The following PTPRG variants were observed in gnomAD, a reference collection of about 807,000 sequenced individuals.
The protein encoded by PTPRG is receptor-type tyrosine-protein phosphatase gamma.
A neutral mutation model predicts 165.3 loss-of-function variants in PTPRG; 102 were observed. The ratio of observed to expected loss-of-function variants is 0.62; its 90% CI spans 0.53 to 0.73. The LOEUF (loss-of-function observed/expected upper bound fraction) is 0.73. Among genes scored for constraint, PTPRG ranks in the 30% least tolerant of loss-of-function variants. The pLI, the probability that PTPRG is intolerant of heterozygous loss-of-function variation, is 0.00. For missense variants in PTPRG, 1,866 were observed against 1,861.4 expected (o/e 1.00, Z -0.05); for synonymous variants, 675 against 669.5 (o/e 1.01, Z -0.13).
At chr3:61,790,176 C>T (rs1023326249) in intron 2 of PTPRG, among the ~76,000 whole-genome samples, 2 of 152,170 alleles carry the variant, frequency 1.3e-5, no homozygotes. Context: ...CTCTCCATTT[C>T]ACACTTGTAC....
chr3:61,758,511 G>A (rs1018064212), intron 2 of PTPRG, among the ~76,000 whole-genome samples: 6 of 152,158 alleles, frequency 3.9e-5, no homozygotes, highest in Non-Finnish European at 7.4e-5. Flanking sequence ...GAGTGAAGTG[G>A]CACAATCTTA....
chr3:61,689,762 C>G (rs2106649475), intron 1 of PTPRG, among the ~76,000 whole-genome samples: 1 of 152,250 alleles, frequency 6.6e-6, no homozygotes, highest in Middle Eastern at 3.4e-3. Context: ...GGGGGAGAAA[C>G]TAGTATGCAA....
rs1446750108 is a variant in PTPRG, at chr3:62,254,799, C to T, written c.2468-325C>T. On this transcript the variant is annotated intron_variant, in intron 15 of 29. Transcript: ENST00000474889. The surrounding 1 kb of genome is among the most constrained non-coding windows in gnomAD (Gnocchi z 4.6). Reference sequence around the variant, plus strand: ...TAAAATTTCTTGGCAAATGGGTACCCTTGATAAATTCACACTTTTAGTTAA... The same window carrying T: ...TAAAATTTCTTGGCAAATGGGTACCTTTGATAAATTCACACTTTTAGTTAA... Among the ~76,000 whole-genome samples, 1 of 151,868 alleles carries T rather than the reference C, an allele frequency of 6.6e-6. No homozygotes were observed. Among genetic ancestry groups the T allele is most frequent in the African/African-American group, 2.4e-5 (1 of 41,340 alleles).
chr3:61,887,736 T>G (rs745788581), intron 2 of PTPRG, among the ~76,000 whole-genome samples: 12 of 150,014 alleles, frequency 8.0e-5, no homozygotes, highest in Non-Finnish European at 1.6e-4. Flanking sequence ...AAAAAAAGGC[T>G]GATGGTTAAA....
chr3:61,838,463 T>C (rs1335456317), intron 2 of PTPRG, among the ~76,000 whole-genome samples: 1 of 152,190 alleles, frequency 6.6e-6, no homozygotes, highest in Non-Finnish European at 1.5e-5. Context: ...AAGTTTTTCA[T>C]GTGTGTGAAT....
chr3:61,668,210 T>C (rs7642105), intron 1 of PTPRG, among the ~76,000 whole-genome samples: 52,919 of 152,146 alleles, frequency 0.35, 10,716 homozygotes, highest in Non-Finnish European at 0.45. Context: ...CCATATACTT[T>C]CAAATAAGAT....
chr3:62,096,830 G>C (rs1341119039), intron 5 of PTPRG, among the ~76,000 whole-genome samples: 3 of 152,158 alleles, frequency 2.0e-5, no homozygotes, highest in Admixed American at 2.0e-4. Flanking sequence ...GAACAAATTA[G>C]GTGGATGGTT....
At chr3:62,282,443 G>C (rs1702485853) in intron 27 of PTPRG, among the ~76,000 whole-genome samples, 1 of 149,690 alleles carries the variant, frequency 6.7e-6, no homozygotes, top group African/African-American at 2.5e-5. Flanking sequence ...TTGCCCAGGT[G>C]GGTCTTGAAC....
intron 1 of PTPRG, among the ~76,000 whole-genome samples, chr3:61,564,204 T>A (rs1209895760): frequency 6.6e-6 from 1 of 152,218 alleles, no homozygotes; most frequent in Non-Finnish European, 1.5e-5. Context: ...TAGTCTCCCC[T>A]GCTTTACCAC....
chr3:61,820,922 CTG>C (rs1437006473), intron 2 of PTPRG, among the ~76,000 whole-genome samples: 1 of 152,012 alleles, frequency 6.6e-6, no homozygotes, highest in Non-Finnish European at 1.5e-5. Flanking sequence ...TTTTGATTCA[CTG>C]TGAACATTTA....
At chr3:61,787,700 G>A (rs11130852) in intron 2 of PTPRG, among the ~76,000 whole-genome samples, 28,913 of 152,086 alleles carry the variant, frequency 0.19, 3,918 homozygotes, top group East Asian at 0.5. Context: ...TTATATCACA[G>A]TGGTTCCTGT....
intron 4 of PTPRG, among the ~76,000 whole-genome samples, chr3:62,043,124 G>A (rs1700180640): frequency 6.6e-6 from 1 of 152,148 alleles, no homozygotes; most frequent in South Asian, 2.1e-4. Context: ...GAAGGCATGA[G>A]AAAGGCAAAA....
intron 1 of PTPRG, among the ~76,000 whole-genome samples, chr3:61,689,681 C>A (rs1236092127): frequency 1.3e-5 from 2 of 152,040 alleles, no homozygotes; most frequent in African/African-American, 2.4e-5. Context: ...TCTTCATATC[C>A]CAGGTAAGGT....
intron 5 of PTPRG, among the ~76,000 whole-genome samples, chr3:62,082,727 G>T (rs565734580): frequency 6.6e-6 from 1 of 152,316 alleles, no homozygotes; most frequent in Admixed American, 6.5e-5. Context: ...AGTGCTAAAA[G>T]GTGAAGAGCC....
At position 62,204,020 on chromosome 3, in the gene PTPRG, G is replaced by T. The variant is rs951032284; in HGVS notation, c.2155+70G>T. 8.0e-6 allele frequency: 12 copies of T among 1,495,534 alleles called. No homozygotes were observed. The African/African-American group carries it at 1.7e-4, about 21-fold the overall frequency. The allele number at this position is 1,495,534 out of a possible 1,614,324, so 92.6% of individuals were successfully genotyped here. On this transcript the variant is annotated intron_variant, in intron 12 of 29. Coordinates refer to ENST00000474889, the MANE Select transcript of PTPRG (RefSeq NM_002841.4). ...AGTCGTACCCTTTTTCAAAAAATTGGGAGCAGAAGGTGAAGCTTCAGAAGG... is the reference window on the plus strand; with the variant it reads ...AGTCGTACCCTTTTTCAAAAAATTGTGAGCAGAAGGTGAAGCTTCAGAAGG...
intron 11 of PTPRG, among the ~76,000 whole-genome samples, chr3:62,202,086 C>CA (rs1231359589): frequency 6.6e-6 from 1 of 152,104 alleles, no homozygotes; most frequent in African/African-American, 2.4e-5. Context: ...AGGCAGCCCA[C>CA]AAGGTCAGTG....
chr3:62,000,539 G>T (rs1436801688), intron 3 of PTPRG, among the ~76,000 whole-genome samples: 1 of 152,160 alleles, frequency 6.6e-6, no homozygotes, highest in Admixed American at 6.5e-5. Context: ...TTTACATATT[G>T]CTTTAGGTTT....
At chr3:62,194,106 G>C (rs1418184706) in intron 9 of PTPRG, among the ~76,000 whole-genome samples, 1 of 152,190 alleles carries the variant, frequency 6.6e-6, no homozygotes, top group Non-Finnish European at 1.5e-5. Flanking sequence ...ACAGGTCATG[G>C]AATCTCTGGC....
chr3:62,226,890 A>G (rs1223051731), intron 13 of PTPRG, among the ~76,000 whole-genome samples: 1 of 152,204 alleles, frequency 6.6e-6, no homozygotes, highest in Non-Finnish European at 1.5e-5. Flanking sequence ...ATTTTCAGAA[A>G]TTTTGCCATG....
Sources: allele counts gnomAD v4.1 joint callset (sites outside exome capture counted in the v4.1 genomes callset), GRCh38; gene constraint gnomAD v4.1.1; non-coding constraint Gnocchi (gnomAD v3.1); transcripts MANE v1.5; gene names NCBI Gene and HGNC (gene_info 2026-07-23, HGNC 2026-07-21).